Variants in IL17RC observed in about 807,000 individuals in gnomAD.
IL17RC encodes interleukin 17 receptor C.
IL17RC carries 53 observed loss-of-function variants against 86.7 expected under a neutral mutation model. That is an observed-to-expected ratio of 0.61 (90% CI 0.49 to 0.77). The LOEUF is 0.77. Ranked by LOEUF, IL17RC falls within the 30% of genes least tolerant of loss-of-function variation. The pLI is 0.00. For synonymous variants in IL17RC, 439 were observed against 413.1 expected, an observed-to-expected ratio of 1.06 and a Z score of -0.76; for missense variants, 957 against 940.0, an observed-to-expected ratio of 1.02 and a Z score of -0.24.
rs372883099 is a variant in IL17RC at position 9,924,005 on chromosome 3, G to C, written c.747G>C (p.Arg249=). The part of the protein sequence containing the change: ...WNQVQGPPKP[R]WHKNLTGPQI... ...AGGTCCAGGGCCCCCCAAAACCCCG[G>C]TGGCACAAAAACCTGGTGAGGCCTC... The change falls in exon 8 of 19, where the codon CGG becomes CGC. Residue 249 remains arginine, a synonymous_variant. Coordinates refer to ENST00000403601, the MANE Select transcript of IL17RC (RefSeq NM_153460.4). The C allele has an allele frequency of 6.8e-6, 11 of 1,613,926 alleles. No individual in the cohort carries two copies. In the African/African-American group the frequency reaches 8.0e-5, roughly 12 times the overall value.
In IL17RC at chr3:9,917,397, C is replaced by T. The variant is rs456070; in HGVS notation, c.82C>T (p.Gln28Ter). 1.2e-6 allele frequency: 2 copies of T among 1,614,162 alleles called. No individual in the cohort carries two copies. Among genetic ancestry groups the T allele is most frequent in the Non-Finnish European group, 1.7e-6 (2 of 1,180,000 alleles). Residue 28 changes from glutamine (Q) to a stop codon, truncating the protein, a stop_gained, in exon 1 of 19, where the codon CAG becomes TAG. Transcript: ENST00000403601. LOFTEE classifies it high-confidence loss of function. Reference protein sequence around the residue: ...VLSLERLVGPQDATHCSPGLS... With the variant: ...VLSLERLVGP Reference sequence around the variant, plus strand: ...TTCTCTGGAGAGGCTTGTGGGGCCTCAGGACGCTACCCACTGCTCTCCGGT... The same window carrying T: ...TTCTCTGGAGAGGCTTGTGGGGCCTTAGGACGCTACCCACTGCTCTCCGGT...
rs750010754 is a variant in IL17RC, at chr3:9,933,080, C to T, written c.1650C>T (p.Ser550=). Residue 550 remains serine, a synonymous_variant, in exon 19 of 19, where the codon AGC becomes AGT. Coordinates refer to ENST00000403601, the MANE Select transcript of IL17RC (RefSeq NM_153460.4). The part of the protein sequence containing the change: ...LPLRVAVDLW[S]RRELSAQGPV... Reference sequence around the variant, plus strand: ...TGCGCGTGGCCGTAGACCTGTGGAGCCGTCGTGAACTGAGCGCGCAGGGGC... The same window carrying T: ...TGCGCGTGGCCGTAGACCTGTGGAGTCGTCGTGAACTGAGCGCGCAGGGGC... 9.7e-6 allele frequency: 15 copies of T among 1,553,794 alleles called. No individual in the cohort carries two copies. Among genetic ancestry groups the T allele is most frequent in the Non-Finnish European group, 1.3e-5 (15 of 1,157,816 alleles).
In IL17RC at chr3:9,930,783, C is replaced by T. The variant is rs557625953; in HGVS notation, c.1339-112C>T. On this transcript the variant is annotated intron_variant, in intron 15 of 18. Coordinates refer to ENST00000403601, the MANE Select transcript of IL17RC (RefSeq NM_153460.4). This position sits in a 1 kb window ranked among gnomAD's most constrained non-coding sequence, Gnocchi z 5.8. ...GCAGAGCAGCTGCAGGAACCTTAGCCGGGAGATATGCATAGTTGATGCTGG... is the reference window on the plus strand; with the variant it reads ...GCAGAGCAGCTGCAGGAACCTTAGCTGGGAGATATGCATAGTTGATGCTGG... 33 of 938,978 alleles carry T rather than the reference C, an allele frequency of 3.5e-5. No individual in the cohort carries two copies. The highest frequency in any genetic ancestry group is 6.5e-5 in the South Asian group (5 of 77,128). 58.2% of individuals were successfully genotyped at this position (938,978 alleles called of 1,614,324 possible). A position where few individuals can be genotyped will look rare whatever the true frequency, so the allele number is the denominator to read the frequency against.
At position 9,924,021 on chromosome 3, in the gene IL17RC, G is replaced by A. The variant is rs765290915; in HGVS notation, c.762+1G>A. Reference sequence around the variant, plus strand: ...AAAACCCCGGTGGCACAAAAACCTGGTGAGGCCTCCCCCTTCCCAAGTCCA... The same window carrying A: ...AAAACCCCGGTGGCACAAAAACCTGATGAGGCCTCCCCCTTCCCAAGTCCA... On this transcript the variant is annotated splice_donor_variant, in intron 8 of 18. Transcript: ENST00000403601. LOFTEE classifies it high-confidence loss of function. The A allele has an allele frequency of 2.5e-6, 4 of 1,613,524 alleles. No individual in the cohort carries two copies. Among genetic ancestry groups the A allele is most frequent in the Non-Finnish European group, 3.4e-6 (4 of 1,180,036 alleles).
At chr3:9,931,470 C>CACACACATATATATATATATATATAT (rs750351615) in intron 16 of IL17RC, among the ~76,000 whole-genome samples, 2 of 43,728 alleles carry the variant, frequency 4.6e-5, no homozygotes, top group Non-Finnish European at 6.4e-5. Flanking sequence ...CACACACACA[C>CACACACATATATATATATATATATAT]ATATATATAT....
At position 9,932,963 on chromosome 3, in the gene IL17RC, G is replaced by T. The variant is rs758168767; in HGVS notation, c.1533G>T (p.Arg511Ser). Residue 511 changes from arginine to serine, a missense_variant, in exon 19 of 19, where the codon AGG becomes AGT. By Grantham distance (110) the Arg-to-Ser change is moderately radical (BLOSUM62 -1). Coordinates refer to ENST00000403601, the MANE Select transcript of IL17RC (RefSeq NM_153460.4). ...KQDVRSGAAA[R>S]GRAALLLYSA... Reference sequence around the variant, plus strand: ...TGTTTTCTCCGGCAGCGGCCGCCAGGGGCCGCGCGGCTCTGCTCCTCTACT... The same window carrying T: ...TGTTTTCTCCGGCAGCGGCCGCCAGTGGCCGCGCGGCTCTGCTCCTCTACT... 6.2e-7 allele frequency: 1 copy of T among 1,607,126 alleles called. No individual in the cohort carries two copies. The highest frequency in any genetic ancestry group is 1.1e-5 in the South Asian group (1 of 90,646).
chr3:9,928,695 G>T (rs889238442), intron 12 of IL17RC, 65 bp downstream of exon 12: 2 of 1,543,906 alleles, frequency 1.3e-6, no homozygotes, highest in East Asian at 2.2e-5. Context: ...AGCCAAGGGG[G>T]TCTTAGTTCT....
intron 1 of IL17RC, 55 bp downstream of exon 1, chr3:9,917,475 CAGCAA>C: frequency 6.2e-7 from 1 of 1,614,222 alleles, no homozygotes; most frequent in Non-Finnish European, 8.5e-7. Flanking sequence ...GTTTTTGGCT[CAGCAA>C]AGCCTTAGCC....
At chr3:9,918,636 C>T (rs2083303227) in intron 5 of IL17RC, 27 bp downstream of exon 5, 3 of 1,474,426 alleles carry the variant, frequency 2.0e-6, no homozygotes, top group Non-Finnish European at 2.8e-6. Flanking sequence ...TAATCACCTT[C>T]TAAACCTAAA....
rs530168783 is a variant in IL17RC at position 9,921,839 on chromosome 3, A to G, written c.622+870A>G. 2.0e-5 allele frequency among the ~76,000 whole-genome samples: 3 copies of G among 147,514 alleles called. No individual in the cohort carries two copies. In the East Asian group the frequency reaches 6.0e-4, roughly 30 times the overall value. The stretch of plus-strand genomic sequence containing the variant: ...ACAGGGTTTCACCGTGTTAGCCAGG[A>G]TGGTCTTGATCTCCTGACCTTGTGA... On this transcript the variant is annotated intron_variant, in intron 7 of 18. Coordinates refer to ENST00000403601, the MANE Select transcript of IL17RC (RefSeq NM_153460.4).
At chr3:9,925,679 G>C (rs532172938) in intron 9 of IL17RC, among the ~76,000 whole-genome samples, 7 of 151,730 alleles carry the variant, frequency 4.6e-5, no homozygotes, top group African/African-American at 1.7e-4. Flanking sequence ...ACATCCAGTG[G>C]AGCTACTTAC....
intron 7 of IL17RC, among the ~76,000 whole-genome samples, chr3:9,921,557 G>A (rs983047122): frequency 4.6e-5 from 7 of 151,610 alleles, no homozygotes; most frequent in East Asian, 1.9e-4. Flanking sequence ...TTTTGTTTTC[G>A]TTTTGTATTT....
At position 9,932,698 on chromosome 3, in the gene IL17RC, C is replaced by G. The variant is rs779436552; in HGVS notation, c.1478C>G (p.Ala493Gly). The change falls in exon 17 of 19, where the codon GCG becomes GGG. Residue 493 changes from alanine (A) to glycine (G), a missense_variant. Transcript: ENST00000403601. ...ATCCTCCTTCTCAAAAAGGATCACG[C>G]GAAAGGTGAGCGCTTCCCGGCTCCC... ...SLILLLKKDH[A>G]KGWLRLLKQD... 2 of 1,614,144 alleles carry G rather than the reference C, an allele frequency of 1.2e-6. No individual in the cohort carries two copies. The highest frequency in any genetic ancestry group is 1.7e-6 in the Non-Finnish European group (2 of 1,179,986).
rs141178913 is a variant in IL17RC, at chr3:9,928,389, C to G, written c.962C>G (p.Ser321Trp). 402 of 1,604,878 alleles carry G rather than the reference C, an allele frequency of 2.5e-4. No homozygotes were observed. The highest frequency in any genetic ancestry group is 3.3e-4 in the Middle Eastern group (2 of 6,018). The change falls in exon 11 of 19, where the codon TCG becomes TGG. Residue 321 changes from serine to tryptophan, a missense_variant. Ser to Trp is a radical substitution (Grantham distance 177). Coordinates refer to ENST00000403601, the MANE Select transcript of IL17RC (RefSeq NM_153460.4). ...AGCTGGCTGCTGGACGCACCGTGCT[C>G]GCTGCCCGCAGAAGCGGCACTGTGC... is the stretch of plus-strand genomic sequence containing the variant. ...LQSWLLDAPCSLPAEAALCWR... is the reference protein window; with the variant it reads ...LQSWLLDAPCWLPAEAALCWR...
intron 10 of IL17RC, 42 bp from the exon 11 acceptor site, chr3:9,928,263 G>A (rs1415862182): frequency 3.7e-6 from 6 of 1,613,804 alleles, no homozygotes; most frequent in East Asian, 4.5e-5. Flanking sequence ...TGTTGCGAGC[G>A]ATGGGTACCT....
intron 7 of IL17RC, among the ~76,000 whole-genome samples, chr3:9,922,961 G>A (rs1429503509): frequency 2.0e-5 from 3 of 150,176 alleles, no homozygotes; most frequent in Non-Finnish European, 4.4e-5. Context: ...GGATCACGAG[G>A]TCAGGAGATC....
At chr3:9,929,958 T>C in intron 13 of IL17RC, 61 bp downstream of exon 13, 4 of 1,613,704 alleles carry the variant, frequency 2.5e-6, no homozygotes, top group Admixed American at 3.3e-5. Flanking sequence ...GGTCAGGGCA[T>C]GGGAGGCAGG....
In IL17RC at chr3:9,930,598, C is replaced by G; in HGVS notation, c.1338+139C>G. 1.2e-6 allele frequency: 1 copy of G among 839,376 alleles called. No homozygotes were observed. Among genetic ancestry groups the G allele is most frequent in the South Asian group, 1.7e-5 (1 of 60,018 alleles). 52.0% of individuals were successfully genotyped at this position (839,376 alleles called of 1,614,324 possible). ...GAGTAGAAGAAGCACAGTTCCTATC[C>G]CCAAGGAGCACACTGTTGGCTAGAC... is the stretch of plus-strand genomic sequence containing the variant. On this transcript the variant is annotated intron_variant, in intron 15 of 18. Coordinates refer to ENST00000403601, the MANE Select transcript of IL17RC (RefSeq NM_153460.4). The surrounding 1 kb of genome is among the most constrained non-coding windows in gnomAD (Gnocchi z 5.8).
Position 9,917,190 on chromosome 3 carries a change from C to A in IL17RC, c.-126C>A. 4.3e-6 allele frequency: 3 copies of A among 703,906 alleles called. No individual in the cohort carries two copies. The highest frequency in any genetic ancestry group is 2.7e-5 in the East Asian group (1 of 36,990). The allele number at this position is 703,906 out of a possible 1,614,324, so 43.6% of individuals were successfully genotyped here. On this transcript the variant is annotated 5_prime_UTR_variant, in exon 1 of 19. Coordinates refer to ENST00000403601, the MANE Select transcript of IL17RC (RefSeq NM_153460.4). Reference sequence around the variant, plus strand: ...CTACCCAGCACAGCCCCCTCCGCCCCCTCTGGAGGCTGAAGAGGGATTCCA... The same window carrying A: ...CTACCCAGCACAGCCCCCTCCGCCCACTCTGGAGGCTGAAGAGGGATTCCA...
Sources: allele counts gnomAD v4.1 joint callset (sites outside exome capture counted in the v4.1 genomes callset), GRCh38; gene constraint gnomAD v4.1.1; non-coding constraint Gnocchi (gnomAD v3.1); transcripts MANE v1.5; gene names NCBI Gene and HGNC (gene_info 2026-07-23, HGNC 2026-07-21).